Variants in EML4 observed in about 807,000 individuals in gnomAD.
The protein encoded by EML4 is EMAP like 4.
In EML4, 72 loss-of-function variants were observed where a neutral mutation model predicts 129.0. The observed-to-expected ratio is 0.56, with a 90% confidence interval of 0.46 to 0.68. The LOEUF (loss-of-function observed/expected upper bound fraction) is 0.68. EML4 is among the 30% of genes least tolerant of loss of function. The pLI is 0.00. For synonymous variants in EML4, 532 were observed against 405.0 expected (o/e 1.31, Z -3.77); for missense variants, 1,363 against 1,190.6 (o/e 1.14, Z -2.13).
chr2:42,276,134 A>G (rs964358871), intron 6 of EML4, among the ~76,000 whole-genome samples: 1 of 152,180 alleles, frequency 6.6e-6, no homozygotes, highest in African/African-American at 2.4e-5. Context: ...CCTAATACCC[A>G]AGGTAAAGAG....
At chr2:42,250,553 G>T (rs1445054153) in intron 2 of EML4, among the ~76,000 whole-genome samples, 4 of 152,104 alleles carry the variant, frequency 2.6e-5, no homozygotes, top group Non-Finnish European at 4.4e-5. Context: ...ACTTAACAGG[G>T]ATACTTTCTG....
chr2:42,329,243 C>A lies in EML4; in HGVS notation c.2472+227C>A, dbSNP rs1482376305. 2.6e-5 allele frequency among the ~76,000 whole-genome samples: 4 copies of A among 152,280 alleles called. No homozygotes were observed. The South Asian group carries it at 8.3e-4, about 32-fold the overall frequency. ...GAAATGACGACCGATGATGTTATTCCTGTTTCTTTATTGTCCGGTTGCTTT... is the reference window on the plus strand; with the variant it reads ...GAAATGACGACCGATGATGTTATTCATGTTTCTTTATTGTCCGGTTGCTTT... On this transcript the variant is annotated intron_variant, in intron 22 of 22. Transcript: ENST00000318522.
At chr2:42,275,601 T>C (rs536105108) in intron 6 of EML4, among the ~76,000 whole-genome samples, 1 of 152,204 alleles carries the variant, frequency 6.6e-6, no homozygotes, top group Non-Finnish European at 1.5e-5. Flanking sequence ...CTTTAATAAT[T>C]AAACTACTCT....
intron 1 of EML4, among the ~76,000 whole-genome samples, chr2:42,175,341 C>T (rs1034944151): frequency 6.6e-6 from 1 of 151,116 alleles, no homozygotes; most frequent in Admixed American, 6.6e-5. Context: ...TTGTGATCGC[C>T]TGACCTTGTT....
At chr2:42,227,853 A>G (rs1357865106) in intron 1 of EML4, among the ~76,000 whole-genome samples, 1 of 152,232 alleles carries the variant, frequency 6.6e-6, no homozygotes, top group Non-Finnish European at 1.5e-5. Context: ...AATATGTGTT[A>G]ATCAACTGTT....
intron 8 of EML4, 77 bp downstream of exon 8, chr2:42,283,049 GAAAGTGA>G (rs1667099858): frequency 7.7e-7 from 1 of 1,291,502 alleles, no homozygotes; most frequent in African/African-American, 1.5e-5. Flanking sequence ...GGGTTTTATT[GAAAGTGA>G]TTTCTTGTGG....
At chr2:42,257,038 A>G (rs1676198693) in intron 3 of EML4, among the ~76,000 whole-genome samples, 1 of 152,216 alleles carries the variant, frequency 6.6e-6, no homozygotes, top group African/African-American at 2.4e-5. Flanking sequence ...GTCAAATGCT[A>G]TTATAACTTT....
chr2:42,309,639 A>C (rs1668818374), intron 17 of EML4, among the ~76,000 whole-genome samples: 1 of 152,074 alleles, frequency 6.6e-6, no homozygotes, highest in Admixed American at 6.6e-5. Flanking sequence ...CATTTCTCTG[A>C]TGGCTAATGA....
At chr2:42,173,785 A>G (rs1377899138) in intron 1 of EML4, among the ~76,000 whole-genome samples, 1 of 152,198 alleles carries the variant, frequency 6.6e-6, no homozygotes, top group East Asian at 1.9e-4. Context: ...TGAAGGTTGC[A>G]GTGAGCTATG....
In EML4 at chr2:42,301,328, G is replaced by T; in HGVS notation, c.1577G>T (p.Gly526Val). The change falls in exon 14 of 23, where the codon GGA (glycine) becomes GTA (valine). Residue 526 changes from glycine to valine, a missense_variant. Physicochemically the swap from Gly to Val is moderately radical, Grantham distance 109. Coordinates refer to ENST00000318522, the MANE Select transcript of EML4 (RefSeq NM_019063.5). Reference protein sequence around the residue: ...CQMRNGMLLTGGGKDRKIILW... With the variant: ...CQMRNGMLLTVGGKDRKIILW... ...ATGAGAAATGGGATGTTATTAACTG[G>T]AGGAGGGAAAGACAGAAAAATAATT... 3 of 1,613,420 alleles carry T rather than the reference G, an allele frequency of 1.9e-6. No individual in the cohort carries two copies. Among genetic ancestry groups the T allele is most frequent in the Non-Finnish European group, 2.5e-6 (3 of 1,179,624 alleles).
rs542853597 is a variant in EML4, at chr2:42,225,134, C to T, written c.26-20371C>T. On this transcript the variant is annotated intron_variant, in intron 1 of 22. Transcript: ENST00000318522. The stretch of plus-strand genomic sequence containing the variant: ...AATATTCCATTTTATGTATATGCCA[C>T]ATTTTGTTTATCCATTCATGTGTTT... Among the ~76,000 whole-genome samples, 29 of 152,216 alleles carry T rather than the reference C, an allele frequency of 1.9e-4. 1 individual carries two copies. The South Asian group carries it at 6.0e-3, about 32-fold the overall frequency.
At chr2:42,238,039 T>G (rs1431875511) in intron 1 of EML4, among the ~76,000 whole-genome samples, 2 of 152,256 alleles carry the variant, frequency 1.3e-5, no homozygotes, top group African/African-American at 4.8e-5. Context: ...TAGTTCAGTA[T>G]ACACTTTATT....
At chr2:42,313,189 C>A (rs917849519) in intron 17 of EML4, among the ~76,000 whole-genome samples, 1 of 151,668 alleles carries the variant, frequency 6.6e-6, no homozygotes, top group African/African-American at 2.4e-5. Flanking sequence ...ATCTCCTGAC[C>A]TCGTGATCCG....
At chr2:42,170,994 G>A (rs1432405075) in intron 1 of EML4, among the ~76,000 whole-genome samples, 5 of 152,138 alleles carry the variant, frequency 3.3e-5, no homozygotes, top group Admixed American at 1.3e-4. Context: ...AAAAATTGTC[G>A]TTATATTGCT....
At chr2:42,319,510 C>T (rs761931189) in intron 19 of EML4, 1 of 152,170 alleles carries the variant, frequency 6.6e-6, no homozygotes, top group Admixed American at 6.5e-5. Context: ...TCCTAATTGT[C>T]TTCGGTTTTG....
intron 1 of EML4, among the ~76,000 whole-genome samples, chr2:42,212,687 C>A (rs1351979784): frequency 3.3e-5 from 5 of 152,210 alleles, no homozygotes; most frequent in Non-Finnish European, 7.3e-5. Context: ...TTATTCACTG[C>A]TACAGTAAGG....
At position 42,261,289 on chromosome 2, in the gene EML4, C is replaced by T; in HGVS notation, c.507C>T (p.Thr169=). 1 of 1,612,158 alleles carries T rather than the reference C, an allele frequency of 6.2e-7. No homozygotes were observed. The highest frequency in any genetic ancestry group is 1.1e-5 in the South Asian group (1 of 90,820). The change falls in exon 4 of 23, where the codon ACC becomes ACT. Residue 169 remains threonine (T), a synonymous_variant. Transcript: ENST00000318522. ...CAGAAAGCAAGAATGCTACTCCCAC[C>T]AAAAGGTTTTAACTGTCCCCAAGTA... ...QTPESKNATP[T]KSIKRPSPAE...
intron 17 of EML4, among the ~76,000 whole-genome samples, chr2:42,310,634 C>G (rs1446979076): frequency 6.6e-6 from 1 of 152,152 alleles, no homozygotes; most frequent in Non-Finnish European, 1.5e-5. Flanking sequence ...GCATGAGCCC[C>G]CACTCCCAGC....
intron 6 of EML4, among the ~76,000 whole-genome samples, chr2:42,276,059 A>T (rs1329745400): frequency 6.6e-6 from 1 of 152,182 alleles, no homozygotes; most frequent in Non-Finnish European, 1.5e-5. Context: ...CTCAGGAAAA[A>T]GTTTGCAGTG....
Sources: allele counts gnomAD v4.1 joint callset (sites outside exome capture counted in the v4.1 genomes callset), GRCh38; gene constraint gnomAD v4.1.1; transcripts MANE v1.5; gene names NCBI Gene and HGNC (gene_info 2026-07-23, HGNC 2026-07-21).